SMARCA2: variants seen among roughly 807,000 people sequenced by gnomAD.
SMARCA2 encodes SWI/SNF related BAF chromatin remodeling complex subunit ATPase 2.
Under a neutral mutation model 199.8 loss-of-function variants are expected in SMARCA2, and 61 were observed. The ratio of observed to expected loss-of-function variants is 0.31; its 90% CI spans 0.25 to 0.38. The LOEUF is 0.38. Among genes scored for constraint, SMARCA2 ranks in the 10% least tolerant of loss-of-function variants. The probability of loss-of-function intolerance (pLI) is 1.00; values close to 1 mark genes in which losing one functional copy is unlikely to be tolerated. For missense variants in SMARCA2, 1,344 were observed against 2,012.2 expected (o/e 0.67, Z 6.35); for synonymous variants, 935 against 732.0 (o/e 1.28, Z -4.48).
rs935368183 is a variant in SMARCA2 at position 2,170,070 on chromosome 9, C to G, written c.4200-349C>G. Among the ~76,000 whole-genome samples, 3 of 152,144 alleles carry G rather than the reference C, an allele frequency of 2.0e-5. No homozygotes were observed. Among genetic ancestry groups the G allele is most frequent in the African/African-American group, 7.2e-5 (3 of 41,418 alleles). On this transcript the variant is annotated intron_variant, in intron 28 of 33. Coordinates refer to ENST00000349721, the MANE Select transcript of SMARCA2 (RefSeq NM_003070.5). This position sits in a 1 kb window ranked among gnomAD's most constrained non-coding sequence, Gnocchi z 4.7. ...GAGGGGCTAAACTCAGATAGACTAG[C>G]ACTACCTTCCCAAGATCACACGCAC...
At position 2,015,655 on chromosome 9, in the gene SMARCA2, T is replaced by C. The variant is rs371410072; in HGVS notation, c.-37+251T>C. On this transcript the variant is annotated intron_variant, in intron 1 of 33. Coordinates refer to ENST00000349721, the MANE Select transcript of SMARCA2 (RefSeq NM_003070.5). Reference sequence around the variant, plus strand: ...TCTAACGACAGCTCCCAGGCGGCGGTGGAAGAAACGAGAAAGTTTCAACCG... The same window carrying C: ...TCTAACGACAGCTCCCAGGCGGCGGCGGAAGAAACGAGAAAGTTTCAACCG... Among the ~76,000 whole-genome samples the C allele has an allele frequency of 2.6e-5, 4 of 152,224 alleles. No individual in the cohort carries two copies. In the East Asian group the frequency reaches 5.8e-4, roughly 22 times the overall value.
chr9:2,192,624 C>A, intron 33 of SMARCA2, 80 bp from the exon 34 acceptor site: 1 of 952,244 alleles, frequency 1.1e-6, no homozygotes, highest in South Asian at 1.3e-5. Context: ...TTCCTACTGG[C>A]CTCTTGATGG....
chr9:2,146,306 T>C (rs965074639), intron 27 of SMARCA2, among the ~76,000 whole-genome samples: 58 of 152,168 alleles, frequency 3.8e-4, no homozygotes, highest in Non-Finnish European at 7.1e-4. Context: ...TACCATCACC[T>C]TGTGGGCTAG....
At chr9:2,113,656 C>T (rs1006684545) in intron 24 of SMARCA2, among the ~76,000 whole-genome samples, 1 of 152,206 alleles carries the variant, frequency 6.6e-6, no homozygotes, top group East Asian at 1.9e-4. Flanking sequence ...CACACAAACA[C>T]ACATCACTGC....
chr9:2,066,897 G>A (rs978113722), intron 9 of SMARCA2, among the ~76,000 whole-genome samples: 2 of 152,092 alleles, frequency 1.3e-5, no homozygotes, highest in Non-Finnish European at 2.9e-5. Context: ...CAAACTCTTG[G>A]GTGTTAATTT....
At chr9:2,055,912 G>T (rs773180562) in intron 6 of SMARCA2, among the ~76,000 whole-genome samples, 1 of 152,084 alleles carries the variant, frequency 6.6e-6, no homozygotes, top group African/African-American at 2.4e-5. Context: ...ATTGATTTCT[G>T]ATTTTTGTTT....
At chr9:2,076,471 T>A (rs1821328608) in intron 13 of SMARCA2, 142 bp downstream of exon 13, 4 of 604,374 alleles carry the variant, frequency 6.6e-6, no homozygotes, top group Middle Eastern at 3.2e-4. Context: ...AGGTCACCAC[T>A]GAGTTCTGGG....
At chr9:2,177,527 A>G (rs1454581938) in intron 29 of SMARCA2, among the ~76,000 whole-genome samples, 2 of 152,200 alleles carry the variant, frequency 1.3e-5, no homozygotes, top group Admixed American at 1.3e-4. Flanking sequence ...AAATCATTAA[A>G]AGACATAACC....
chr9:2,065,156 G>A (rs1019578535), intron 9 of SMARCA2, among the ~76,000 whole-genome samples: 2 of 152,120 alleles, frequency 1.3e-5, no homozygotes, highest in African/African-American at 4.8e-5. Context: ...CTGCACTCCA[G>A]CCTGGGCGAC....
chr9:2,047,544 G>T, intron 5 of SMARCA2, 60 bp downstream of exon 5: 1 of 1,237,518 alleles, frequency 8.1e-7, no homozygotes. Flanking sequence ...CGCCCAAGCC[G>T]AGGGGGGTGA....
At chr9:2,085,358 C>CT (rs1821755884) in intron 17 of SMARCA2, among the ~76,000 whole-genome samples, 1 of 152,102 alleles carries the variant, frequency 6.6e-6, no homozygotes, top group Non-Finnish European at 1.5e-5. Flanking sequence ...AGATGCACTG[C>CT]TTTTATTTGT....
intron 17 of SMARCA2, among the ~76,000 whole-genome samples, chr9:2,084,405 T>G (rs191656474): frequency 3.3e-5 from 5 of 151,402 alleles, no homozygotes; most frequent in African/African-American, 1.2e-4. Context: ...TGTGTGTGTG[T>G]GTGTGTGTGT....
intron 32 of SMARCA2, among the ~76,000 whole-genome samples, chr9:2,188,852 T>TAGAA (rs1386790037): frequency 6.6e-6 from 1 of 152,208 alleles, no homozygotes; most frequent in African/African-American, 2.4e-5. Context: ...CTTGTGTTCG[T>TAGAA]AGAAACAAAG....
chr9:2,097,262 T>G, intron 20 of SMARCA2, 123 bp from the exon 21 acceptor site: 1 of 625,072 alleles, frequency 1.6e-6, no homozygotes, highest in Non-Finnish European at 2.8e-6. Flanking sequence ...AACCACAAGG[T>G]GTGTAGGTGA....
rs562820489 is a variant in SMARCA2 at position 2,029,125 on chromosome 9, C to T, written c.103C>T (p.Pro35Ser). The change falls in exon 2 of 34, where the codon CCA (proline) becomes TCA (serine). Residue 35 changes from proline (P) to serine (S), a missense_variant. By Grantham distance (74) the Pro-to-Ser change is moderately conservative (BLOSUM62 -1). This residue lies in a region of SMARCA2 where 275 missense variants were observed against 247.5 expected (regional missense o/e 1.11). Coordinates refer to ENST00000349721, the MANE Select transcript of SMARCA2 (RefSeq NM_003070.5). The stretch of plus-strand genomic sequence containing the variant: ...TCTTGGGCCTAGTCCAGGACCAGGA[C>T]CATCCCCAGGTTCCGTCCACAGCAT... ...PILGPSPGPGPSPGSVHSMMG... is the reference protein window; with the variant it reads ...PILGPSPGPGSSPGSVHSMMG... 1 of 1,608,974 alleles carries T rather than the reference C, an allele frequency of 6.2e-7. No individual in the cohort carries two copies. The highest frequency in any genetic ancestry group is 1.3e-5 in the African/African-American group (1 of 74,960).
intron 27 of SMARCA2, among the ~76,000 whole-genome samples, chr9:2,152,720 T>TCA (rs572829914): frequency 2.2e-3 from 332 of 151,806 alleles, no homozygotes; most frequent in Non-Finnish European, 3.5e-3. Context: ...GGCGTGGTGG[T>TCA]GCACACCTTT....
At chr9:2,064,433 A>G (rs1023161281) in intron 9 of SMARCA2, among the ~76,000 whole-genome samples, 1 of 152,234 alleles carries the variant, frequency 6.6e-6, no homozygotes, top group African/African-American at 2.4e-5. Context: ...ACACCCTAAC[A>G]TATAGTAAGT....
At position 2,159,901 on chromosome 9, in the gene SMARCA2, A is replaced by AGT. The variant is rs1366105254; in HGVS notation, c.3982-1783_3982-1782dup. On this transcript the variant is annotated intron_variant, in intron 27 of 33. Transcript: ENST00000349721. Reference sequence around the variant, plus strand: ...GATTTCTGATAGCCGGCCTGCTGATAGTGGTAAGGTAAATATCCTTTTTCG... The same window carrying AGT: ...GATTTCTGATAGCCGGCCTGCTGATAGTGTGGTAAGGTAAATATCCTTTTTCG... 2.5e-6 allele frequency: 4 copies of AGT among 1,611,262 alleles called. No individual in the cohort carries two copies. The African/African-American group carries it at 5.3e-5, about 22-fold the overall frequency.
rs2032614485 is a variant in SMARCA2 at position 2,115,827 on chromosome 9, G to A, written c.3462G>A (p.Leu1154=). The change falls in exon 25 of 34, where the codon CTG becomes CTA. Residue 1154 remains leucine, a synonymous_variant. Transcript: ENST00000349721. This position sits in a 1 kb window ranked among gnomAD's most constrained non-coding sequence, Gnocchi z 6.0. ...FDSDWNPHQD[L]QAQDRAHRIG... is the part of the protein sequence containing the mutation. Reference sequence around the variant, plus strand: ...CATATTGACCCCCCAAACAGGATCTGCAGGCCCAAGACCGAGCTCACCGCA... The same window carrying A: ...CATATTGACCCCCCAAACAGGATCTACAGGCCCAAGACCGAGCTCACCGCA... The A allele has an allele frequency of 1.2e-6, 2 of 1,613,612 alleles. No homozygotes were observed. Among genetic ancestry groups the A allele is most frequent in the Non-Finnish European group, 8.5e-7 (1 of 1,179,710 alleles).
Sources: gnomAD v4.1 joint callset for allele counts (sites outside exome capture counted in the v4.1 genomes callset) on GRCh38, gnomAD v4.1.1 for gene constraint, gnomAD v4.1.1 regional missense constraint, Gnocchi (gnomAD v3.1) non-coding constraint, MANE v1.5 for transcripts, NCBI Gene and HGNC (gene_info 2026-07-23, HGNC 2026-07-21) for gene names.